Variants in CSMD1 observed in about 807,000 individuals in gnomAD.
CSMD1 encodes the protein CUB and Sushi multiple domains 1.
A neutral mutation model predicts 417.5 loss-of-function variants in CSMD1; 213 were observed. The observed-to-expected ratio is 0.51, with a 90% CI of 0.46 to 0.57. The LOEUF (loss-of-function observed/expected upper bound fraction) is 0.57, where lower values mean the gene tolerates loss of function less well. CSMD1 is among the 20% of genes least tolerant of loss of function. CSMD1 has a pLI of 0.00. For synonymous variants in CSMD1, 2,862 were observed against 1,736.8 expected, an observed-to-expected ratio of 1.65 and a Z score of -16.11; for missense variants, 6,923 against 4,529.7, an observed-to-expected ratio of 1.53 and a Z score of -15.17.
At position 3,361,651 on chromosome 8, in the gene CSMD1, CAAA is replaced by C. The variant is rs765648287; in HGVS notation, c.3116-2314_3116-2312del. On this transcript the variant is annotated intron_variant, in intron 20 of 69. Transcript: ENST00000635120. Reference sequence around the variant, plus strand: ...TGGGCAACAGAGCAAGATTCCATCTCAAAAAAAAAAAAAAAAAAAAACAAACAA... The same window carrying C: ...TGGGCAACAGAGCAAGATTCCATCTCAAAAAAAAAAAAAAAAAACAAACAA... 9.0e-3 allele frequency among the ~76,000 whole-genome samples: 712 copies of C among 79,166 alleles called. 2 individuals are homozygous for C. Among genetic ancestry groups the C allele is most frequent in the African/African-American group, 0.035 (657 of 18,736 alleles). The allele number at this position is 79,166 out of a possible 152,430, so 51.9% of individuals were successfully genotyped here. A position where few individuals can be genotyped will look rare whatever the true frequency, so the allele number is the denominator to read the frequency against.
intron 26 of CSMD1, among the ~76,000 whole-genome samples, chr8:3,279,866 T>G (rs980469830): frequency 2.6e-5 from 4 of 152,144 alleles, no homozygotes; most frequent in African/African-American, 9.7e-5. Flanking sequence ...GAAACTGCCC[T>G]CATGATCCAA....
chr8:4,341,679 C>G (rs1029603159), intron 3 of CSMD1, among the ~76,000 whole-genome samples: 1 of 152,116 alleles, frequency 6.6e-6, no homozygotes, highest in Non-Finnish European at 1.5e-5. Context: ...CAAAGCGACG[C>G]AGTCAAGATA....
intron 2 of CSMD1, among the ~76,000 whole-genome samples, chr8:4,457,187 G>C (rs552038095): frequency 9.9e-5 from 15 of 152,024 alleles, no homozygotes; most frequent in Non-Finnish European, 1.9e-4. Context: ...TGTGAAATGT[G>C]TCCTGTTAAA....
chr8:4,792,568 T>C lies in CSMD1; in HGVS notation c.86-155010A>G, dbSNP rs1361288309. On this transcript the variant is annotated intron_variant, in intron 1 of 69. Coordinates refer to ENST00000635120, the MANE Select transcript of CSMD1 (RefSeq NM_033225.6). ...TTCAGCCATACACCACACTCAACAG[T>C]TGTCAGCACGTCCATGCAAGAAACT... Among the ~76,000 whole-genome samples the C allele has an allele frequency of 5.3e-5, 8 of 152,154 alleles. No homozygotes were observed. The South Asian group carries it at 8.3e-4, about 16-fold the overall frequency.
chr8:3,367,697 G>A (rs903564731), intron 19 of CSMD1, among the ~76,000 whole-genome samples: 6 of 152,156 alleles, frequency 3.9e-5, no homozygotes, highest in African/African-American at 1.2e-4. Flanking sequence ...CAGATATGAT[G>A]TAAATATGAA....
chr8:4,909,044 G>C (rs112668783), intron 1 of CSMD1, among the ~76,000 whole-genome samples: 1 of 152,164 alleles, frequency 6.6e-6, no homozygotes, highest in Non-Finnish European at 1.5e-5. Flanking sequence ...GTGATAAGCA[G>C]GACTTTAGCA....
chr8:3,958,828 G>A (rs1193486290), intron 5 of CSMD1, among the ~76,000 whole-genome samples: 1 of 152,222 alleles, frequency 6.6e-6, no homozygotes, highest in East Asian at 1.9e-4. Context: ...AGGATCTGCA[G>A]AGGAAATTGT....
At chr8:3,952,010 T>A (rs564392972) in intron 5 of CSMD1, among the ~76,000 whole-genome samples, 32 of 152,184 alleles carry the variant, frequency 2.1e-4, no homozygotes, top group Non-Finnish European at 4.1e-4. Context: ...CTTCACCATT[T>A]ATGTCCAAGA....
In CSMD1 at chr8:3,996,694, A is replaced by G. The variant is rs539027826; in HGVS notation, c.818+1209T>C. ...GGCTAATCTAAAAGTGTTGTTCAGCATGAAAAAAATTGAAAACAAAGACAA... is the reference window on the plus strand; with the variant it reads ...GGCTAATCTAAAAGTGTTGTTCAGCGTGAAAAAAATTGAAAACAAAGACAA... On this transcript the variant is annotated intron_variant, in intron 5 of 69. Coordinates refer to ENST00000635120, the MANE Select transcript of CSMD1 (RefSeq NM_033225.6). Among the ~76,000 whole-genome samples, 3 of 152,320 alleles carry G rather than the reference A, an allele frequency of 2.0e-5. No homozygotes were observed. The South Asian group carries it at 6.2e-4, about 32-fold the overall frequency.
chr8:3,880,897 A>C (rs1483364548), intron 5 of CSMD1, among the ~76,000 whole-genome samples: 1 of 152,168 alleles, frequency 6.6e-6, no homozygotes. Context: ...TGTACCATTG[A>C]AAGTAAACAC....
intron 25 of CSMD1, among the ~76,000 whole-genome samples, chr8:3,289,147 C>T (rs1380543728): frequency 6.8e-6 from 1 of 147,388 alleles, no homozygotes; most frequent in Admixed American, 6.7e-5. Flanking sequence ...CCCTACAAAG[C>T]ACATGAACTC....
chr8:4,001,038 G>A (rs1458750514), intron 4 of CSMD1, among the ~76,000 whole-genome samples: 1 of 118,840 alleles, frequency 8.4e-6, no homozygotes, highest in Non-Finnish European at 1.8e-5. Context: ...CAATGTTTCA[G>A]AGGGGAAAAT....
intron 2 of CSMD1, among the ~76,000 whole-genome samples, chr8:4,622,748 C>A (rs1032785221): frequency 1.3e-5 from 2 of 152,186 alleles, no homozygotes; most frequent in African/African-American, 2.4e-5. Flanking sequence ...CACTTCCGTG[C>A]AACATTGTAC....
intron 5 of CSMD1, among the ~76,000 whole-genome samples, chr8:3,905,638 C>T (rs565800136): frequency 6.6e-6 from 1 of 152,218 alleles, no homozygotes; most frequent in Non-Finnish European, 1.5e-5. Flanking sequence ...ATTTCTAGCA[C>T]TGTCCCAGGC....
At chr8:3,340,760 G>C (rs559813880) in intron 23 of CSMD1, among the ~76,000 whole-genome samples, 5 of 152,052 alleles carry the variant, frequency 3.3e-5, no homozygotes, top group Non-Finnish European at 5.9e-5. Flanking sequence ...ATGGCCATCA[G>C]CACCACCAAT....
At chr8:4,819,240 T>C (rs769094181) in intron 1 of CSMD1, among the ~76,000 whole-genome samples, 2 of 152,166 alleles carry the variant, frequency 1.3e-5, no homozygotes, top group African/African-American at 2.4e-5. Flanking sequence ...TTAACTAGTA[T>C]TTGGCATTTT....
At chr8:3,050,105 TAA>T (rs11402129) in intron 50 of CSMD1, among the ~76,000 whole-genome samples, 22 of 140,560 alleles carry the variant, frequency 1.6e-4, no homozygotes, top group African/African-American at 3.7e-4. Context: ...CTAGAGAACT[TAA>T]AAAAAAAAAA....
At chr8:4,220,174 C>G (rs1204616037) in intron 3 of CSMD1, among the ~76,000 whole-genome samples, 2 of 152,196 alleles carry the variant, frequency 1.3e-5, no homozygotes, top group East Asian at 3.9e-4. Context: ...TCGTCTTGAA[C>G]TCCTGACGTC....
intron 3 of CSMD1, among the ~76,000 whole-genome samples, chr8:4,086,977 T>G (rs918087265): frequency 1.3e-5 from 2 of 152,208 alleles, no homozygotes; most frequent in Non-Finnish European, 2.9e-5. Flanking sequence ...GCTCTGAGCT[T>G]CTGTTTCCTC....
Sources: gnomAD v4.1 joint callset for allele counts (sites outside exome capture counted in the v4.1 genomes callset) on GRCh38, gnomAD v4.1.1 for gene constraint, MANE v1.5 for transcripts, NCBI Gene and HGNC (gene_info 2026-07-23, HGNC 2026-07-21) for gene names.